The following RNASE4 variants were observed in gnomAD, a reference collection of about 807,000 sequenced individuals.
RNASE4 encodes ribonuclease A family member 4, also known as ribonuclease 4.
For synonymous variants in RNASE4, 93 were observed against 71.4 expected, an observed-to-expected ratio of 1.30 and a Z score of -1.52; for missense variants, 194 against 192.8, an observed-to-expected ratio of 1.01 and a Z score of -0.04.
chr14:20,693,912 C>G, intron 1 of RNASE4: 1 of 1,614,168 alleles, frequency 6.2e-7, no homozygotes, highest in Non-Finnish European at 8.5e-7. Flanking sequence ...GGCCTCCATG[C>G]CAGTACCGAG....
chr14:20,693,037 CG>C (rs1165024548), intron 1 of RNASE4, among the ~76,000 whole-genome samples: 1 of 151,520 alleles, frequency 6.6e-6, no homozygotes, highest in Non-Finnish European at 1.5e-5. Context: ...TTAGTAGAGA[CG>C]GGGTTTCACC....
At chr14:20,686,848 A>C (rs532667850) in intron 1 of RNASE4, among the ~76,000 whole-genome samples, 61 of 152,360 alleles carry the variant, frequency 4.0e-4, no homozygotes, top group Non-Finnish European at 6.5e-4. Context: ...CATTCTTCCC[A>C]TCATCTAATT....
At chr14:20,698,794 C>T (rs1887178457) in intron 1 of RNASE4, 1 of 152,018 alleles carries the variant, frequency 6.6e-6, no homozygotes, top group Non-Finnish European at 1.5e-5. Flanking sequence ...AAATTAATGA[C>T]AAAGAAAAAC....
At chr14:20,691,273 G>T (rs1044749206) in intron 1 of RNASE4, among the ~76,000 whole-genome samples, 4 of 152,180 alleles carry the variant, frequency 2.6e-5, no homozygotes, top group Non-Finnish European at 5.9e-5. Flanking sequence ...TGATTTCTGG[G>T]ATTCTGGCAC....
rs760650221 is a variant in RNASE4 at position 20,699,561 on chromosome 14, T to C, written c.190T>C (p.Leu64=). The stretch of plus-strand genomic sequence containing the variant: ...GATGATGCAAAGACGGAAGATGACT[T>C]TGTATCACTGCAAGCGCTTCAACAC... The part of the protein sequence containing the change: ...NLMMQRRKMT[L]YHCKRFNTFI... The change falls in exon 2 of 2, where the codon TTG becomes CTG. Residue 64 remains leucine, a synonymous_variant. Transcript: ENST00000555835. The C allele has an allele frequency of 1.2e-5, 19 of 1,614,212 alleles. No homozygotes were observed. The highest frequency in any genetic ancestry group is 1.5e-5 in the Non-Finnish European group (18 of 1,180,044).
At chr14:20,693,933 G>A in intron 1 of RNASE4, 2 of 1,614,100 alleles carry the variant, frequency 1.2e-6, no homozygotes, top group Non-Finnish European at 1.7e-6. Flanking sequence ...CCACAGCGGG[G>A]TTCAGAAACG....
intron 1 of RNASE4, among the ~76,000 whole-genome samples, chr14:20,695,509 A>G (rs1261272589): frequency 6.6e-6 from 1 of 152,244 alleles, no homozygotes; most frequent in African/African-American, 2.4e-5. Flanking sequence ...CTCTTTGTAA[A>G]ATACACTGTT....
chr14:20,699,362 T>G lies in RNASE4; in HGVS notation c.-10T>G. 2 of 1,578,000 alleles carry G rather than the reference T, an allele frequency of 1.3e-6. No homozygotes were observed. Among genetic ancestry groups the G allele is most frequent in the South Asian group, 2.3e-5 (2 of 86,868 alleles). The stretch of plus-strand genomic sequence containing the variant: ...CCTTGCTTTCTTTTCTAGGCACCTC[T>G]AAGATACTGATGGCTCTGCAGAGGA... On this transcript the variant is annotated 5_prime_UTR_variant, in exon 2 of 2. Transcript: ENST00000555835.
chr14:20,693,572 T>G, intron 1 of RNASE4: 1 of 1,612,642 alleles, frequency 6.2e-7, no homozygotes, highest in Non-Finnish European at 8.5e-7. Context: ...GAGATGGTGA[T>G]GGGCCTGGGC....
intron 1 of RNASE4, among the ~76,000 whole-genome samples, chr14:20,685,144 G>GT (rs1886364473): frequency 6.6e-6 from 1 of 152,094 alleles, no homozygotes; most frequent in Non-Finnish European, 1.5e-5. Flanking sequence ...TTTTGCAAGC[G>GT]TAACTAACAT....
chr14:20,690,083 C>T (rs1337390202), intron 1 of RNASE4, among the ~76,000 whole-genome samples: 2 of 144,420 alleles, frequency 1.4e-5, no homozygotes, highest in East Asian at 2.0e-4. Flanking sequence ...GGCGCGGTGG[C>T]GGGCGCCTGT....
At chr14:20,694,334 C>G (rs1054046954) in intron 1 of RNASE4, 4 of 325,610 alleles carry the variant, frequency 1.2e-5, no homozygotes, top group Non-Finnish European at 2.2e-5. Context: ...GAGTCTCACT[C>G]TGTCGCCCAG....
intron 1 of RNASE4, among the ~76,000 whole-genome samples, chr14:20,688,041 G>T (rs1886506039): frequency 6.6e-6 from 1 of 152,186 alleles, no homozygotes; most frequent in African/African-American, 2.4e-5. Flanking sequence ...CGCAAGCAAT[G>T]GATCTACAGC....
At chr14:20,697,553 C>A (rs953890051) in intron 1 of RNASE4, among the ~76,000 whole-genome samples, 5 of 152,110 alleles carry the variant, frequency 3.3e-5, no homozygotes, top group African/African-American at 1.2e-4. Flanking sequence ...GAACAATATC[C>A]ATGTTTGATA....
At chr14:20,687,389 C>T (rs1368220933) in intron 1 of RNASE4, among the ~76,000 whole-genome samples, 1 of 152,238 alleles carries the variant, frequency 6.6e-6, no homozygotes, top group African/African-American at 2.4e-5. Flanking sequence ...GGTTGCCCCA[C>T]CTCAGCACTA....
chr14:20,693,977 A>C lies in RNASE4; in HGVS notation c.-17-5378A>C. ...GCTTGTGAAAATGGCTTACCTGTCCACTTGGATCAGTCAATTTTCCGTCGT... is the reference window on the plus strand; with the variant it reads ...GCTTGTGAAAATGGCTTACCTGTCCCCTTGGATCAGTCAATTTTCCGTCGT... On this transcript the variant is annotated intron_variant, in intron 1 of 1. Coordinates refer to ENST00000555835, the MANE Select transcript of RNASE4 (RefSeq NM_002937.5). The C allele has an allele frequency of 1.2e-6, 2 of 1,614,000 alleles. No homozygotes were observed. Among genetic ancestry groups the C allele is most frequent in the Non-Finnish European group, 1.7e-6 (2 of 1,179,998 alleles).
Position 20,699,755 on chromosome 14 carries a change from T to TAGAC in RNASE4, c.385_388dup (p.Arg130GlnfsTer8), listed in dbSNP as rs1887230320. 3 of 1,612,038 alleles carry TAGAC rather than the reference T, an allele frequency of 1.9e-6. No individual in the cohort carries two copies. The highest frequency in any genetic ancestry group is 2.5e-6 in the Non-Finnish European group (3 of 1,180,030). ...GCAGATATCGGGCCATAGCGAGCAC[T>TAGAC]AGACGTGTTGTCATTGCCTGTGAGG... is the stretch of plus-strand genomic sequence containing the variant. On this transcript the variant is annotated frameshift_variant, in exon 2 of 2. Coordinates refer to ENST00000555835, the MANE Select transcript of RNASE4 (RefSeq NM_002937.5). LOFTEE classifies it high-confidence loss of function.
chr14:20,699,768 A>G lies in RNASE4; in HGVS notation c.397A>G (p.Ile133Val). 1.2e-6 allele frequency: 2 copies of G among 1,612,380 alleles called. No homozygotes were observed. The highest frequency in any genetic ancestry group is 1.7e-6 in the Non-Finnish European group (2 of 1,180,018). The change falls in exon 2 of 2, where the codon ATT (isoleucine) becomes GTT (valine). Residue 133 changes from isoleucine (I) to valine (V), a missense_variant. Coordinates refer to ENST00000555835, the MANE Select transcript of RNASE4 (RefSeq NM_002937.5). ...RAIASTRRVV[I>V]ACEGNPQVPV... ...CATAGCGAGCACTAGACGTGTTGTC[A>G]TTGCCTGTGAGGGTAACCCACAGGT...
chr14:20,694,232 TTTCTCTACTTGGCTG>T (rs1886991208), intron 1 of RNASE4: 1 of 624,050 alleles, frequency 1.6e-6, no homozygotes, highest in South Asian at 2.0e-5. Flanking sequence ...TTTCCCCCAT[TTTCTCTACTTGGCTG>T]CTCCCTGAGA....
Sources: gnomAD v4.1 joint callset for allele counts (sites outside exome capture counted in the v4.1 genomes callset) on GRCh38, gnomAD v4.1.1 for gene constraint, MANE v1.5 for transcripts, NCBI Gene and HGNC (gene_info 2026-07-23, HGNC 2026-07-21) for gene names.